Variants in PRKCB observed in about 807,000 individuals in gnomAD.
PRKCB encodes protein kinase C beta type.
PRKCB carries 13 observed loss-of-function variants against 81.5 expected under a neutral mutation model. The observed-to-expected ratio is 0.16, with a 90% CI of 0.10 to 0.25. The LOEUF (loss-of-function observed/expected upper bound fraction) is 0.25, where lower values mean the gene tolerates loss of function less well. Ranked by LOEUF, PRKCB falls within the 10% of genes least tolerant of loss-of-function variation. PRKCB has a pLI of 1.00. For missense variants in PRKCB, 509 were observed against 875.7 expected (o/e 0.58, Z 5.29); for synonymous variants, 335 against 321.4 (o/e 1.04, Z -0.45).
chr16:23,889,366 A>T (rs1963255808), intron 2 of PRKCB, among the ~76,000 whole-genome samples: 1 of 152,254 alleles, frequency 6.6e-6, no homozygotes, highest in African/African-American at 2.4e-5. Flanking sequence ...ACCTTACGGC[A>T]TTATAAAGGT....
At chr16:23,984,203 A>G (rs1262312837) in intron 2 of PRKCB, among the ~76,000 whole-genome samples, 1 of 152,248 alleles carries the variant, frequency 6.6e-6, no homozygotes, top group East Asian at 1.9e-4. Context: ...GGATAATATT[A>G]GCTGACATTT....
At chr16:23,958,466 G>A (rs897521022) in intron 2 of PRKCB, among the ~76,000 whole-genome samples, 1 of 151,674 alleles carries the variant, frequency 6.6e-6, no homozygotes, top group Non-Finnish European at 1.5e-5. Context: ...CACCATGCCC[G>A]GCTAATTTTT....
In PRKCB at chr16:24,154,799, T is replaced by G; in HGVS notation, c.1181T>G (p.Leu394Trp). Reference sequence around the variant, plus strand: ...TGCACTATGGTGGAGAAGCGGGTGTTGGCCCTGCCTGGGAAGCCGCCCTTC... The same window carrying G: ...TGCACTATGGTGGAGAAGCGGGTGTGGGCCCTGCCTGGGAAGCCGCCCTTC... The part of the protein sequence containing the change: ...VECTMVEKRV[L>W]ALPGKPPFLT... Residue 394 changes from leucine to tryptophan, a missense_variant, in exon 10 of 17, where the codon TTG becomes TGG. This residue lies in a region of PRKCB where 106 missense variants were observed against 214.0 expected (regional missense o/e 0.50). Coordinates refer to ENST00000643927, the MANE Select transcript of PRKCB (RefSeq NM_002738.7). 6.2e-7 allele frequency: 1 copy of G among 1,614,180 alleles called. No homozygotes were observed. The highest frequency in any genetic ancestry group is 8.5e-7 in the Non-Finnish European group (1 of 1,180,016).
intron 2 of PRKCB, among the ~76,000 whole-genome samples, chr16:23,942,226 G>A (rs1964148612): frequency 6.6e-6 from 1 of 152,224 alleles, no homozygotes; most frequent in African/African-American, 2.4e-5. Context: ...CTACTACAGA[G>A]GGAAGTGTAG....
At chr16:23,989,324 A>G (rs920454352) in intron 3 of PRKCB, among the ~76,000 whole-genome samples, 3 of 152,088 alleles carry the variant, frequency 2.0e-5, no homozygotes, top group Admixed American at 1.3e-4. Flanking sequence ...GGCTCAAGCA[A>G]TCCTCCTGCC....
chr16:23,842,556 C>G (rs1489858059), intron 2 of PRKCB, among the ~76,000 whole-genome samples: 1 of 152,164 alleles, frequency 6.6e-6, no homozygotes, highest in Non-Finnish European at 1.5e-5. Context: ...GAAACCCATG[C>G]CTGGTTAGCA....
At chr16:24,206,416 G>A (rs1968046463) in intron 16 of PRKCB, among the ~76,000 whole-genome samples, 1 of 152,174 alleles carries the variant, frequency 6.6e-6, no homozygotes. Context: ...TTCTGGTCTT[G>A]TTAACCTGAA....
At chr16:24,021,190 CTT>C (rs1382066149) in intron 3 of PRKCB, among the ~76,000 whole-genome samples, 2 of 10,206 alleles carry the variant, frequency 2.0e-4, no homozygotes, top group African/African-American at 2.9e-4. Flanking sequence ...CTTCCTTCCT[CTT>C]TCTTTCTTTC....
At chr16:23,988,823 A>G (rs755907932) in intron 3 of PRKCB, among the ~76,000 whole-genome samples, 9 of 152,122 alleles carry the variant, frequency 5.9e-5, no homozygotes, top group Non-Finnish European at 1.3e-4. Flanking sequence ...TAATGTCTTC[A>G]CTTTGAGAGC....
intron 3 of PRKCB, among the ~76,000 whole-genome samples, chr16:23,993,618 C>T (rs919687630): frequency 1.3e-5 from 2 of 152,224 alleles, no homozygotes; most frequent in Non-Finnish European, 2.9e-5. Context: ...TGTGATCCCT[C>T]TTCTCTATAG....
At chr16:23,966,554 A>T (rs1308247406) in intron 2 of PRKCB, among the ~76,000 whole-genome samples, 1 of 152,184 alleles carries the variant, frequency 6.6e-6, no homozygotes, top group Non-Finnish European at 1.5e-5. Flanking sequence ...TATTATTATT[A>T]TCCCTTCGAA....
intron 9 of PRKCB, among the ~76,000 whole-genome samples, chr16:24,136,374 G>A (rs993409096): frequency 6.6e-6 from 1 of 152,134 alleles, no homozygotes; most frequent in Non-Finnish European, 1.5e-5. Flanking sequence ...AGTAAAGCGG[G>A]TATTTGCTGA....
At chr16:24,161,014 A>C (rs1362795383) in intron 10 of PRKCB, among the ~76,000 whole-genome samples, 2 of 147,420 alleles carry the variant, frequency 1.4e-5, no homozygotes, top group Admixed American at 1.4e-4. Flanking sequence ...AGCTACCTTT[A>C]AAAAAAAAAG....
chr16:23,977,611 C>T (rs1291517327), intron 2 of PRKCB, among the ~76,000 whole-genome samples: 1 of 152,186 alleles, frequency 6.6e-6, no homozygotes, highest in Non-Finnish European at 1.5e-5. Flanking sequence ...GTCGCGCATA[C>T]AGAGAACGTC....
At chr16:23,873,995 A>G (rs1348248185) in intron 2 of PRKCB, among the ~76,000 whole-genome samples, 1 of 152,178 alleles carries the variant, frequency 6.6e-6, no homozygotes, top group Non-Finnish European at 1.5e-5. Flanking sequence ...TTTGGCTGTC[A>G]AGAATGTGGA....
At chr16:23,867,042 TTCCTTCCTTC>T (rs1962812893) in intron 2 of PRKCB, among the ~76,000 whole-genome samples, 1 of 90,082 alleles carries the variant, frequency 1.1e-5, no homozygotes, top group African/African-American at 5.1e-5. Context: ...CCTTCCTTCC[TTCCTTCCTTC>T]TCTCTCTCTC....
intron 3 of PRKCB, among the ~76,000 whole-genome samples, chr16:24,010,890 A>G (rs1364979974): frequency 6.6e-6 from 1 of 151,798 alleles, no homozygotes; most frequent in Non-Finnish European, 1.5e-5. Context: ...TCTTTTTGAT[A>G]CAAGGTCTCA....
rs1192155165 is a variant in PRKCB at position 24,068,576 on chromosome 16, A to G, written c.530-24215A>G. ...GAAAAATATTTTTTATCTGGCTTTT[A>G]TAGTTGCTCTCAGTGGGAGAGCTAC... On this transcript the variant is annotated intron_variant, in intron 5 of 16. Coordinates refer to ENST00000643927, the MANE Select transcript of PRKCB (RefSeq NM_002738.7). Among the ~76,000 whole-genome samples, 5 of 151,964 alleles carry G rather than the reference A, an allele frequency of 3.3e-5. No homozygotes were observed. In the South Asian group the frequency reaches 1.0e-3, roughly 32 times the overall value.
At chr16:23,949,735 G>C (rs966317927) in intron 2 of PRKCB, among the ~76,000 whole-genome samples, 4 of 152,212 alleles carry the variant, frequency 2.6e-5, no homozygotes, top group African/African-American at 9.6e-5. Flanking sequence ...TAGGCATGAA[G>C]CCAGGCAGGT....
Sources: allele counts gnomAD v4.1 joint callset (sites outside exome capture counted in the v4.1 genomes callset), GRCh38; gene constraint gnomAD v4.1.1; regional missense constraint gnomAD v4.1.1; transcripts MANE v1.5; gene names NCBI Gene and HGNC (gene_info 2026-07-23, HGNC 2026-07-21).